Variants in STAB1 observed in about 807,000 individuals in gnomAD.
STAB1 encodes stabilin 1.
Under a neutral mutation model 332.4 loss-of-function variants are expected in STAB1, and 250 were observed. The observed-to-expected ratio is 0.75, with a 90% CI of 0.68 to 0.84. STAB1 has a LOEUF of 0.84. Among genes scored for constraint, STAB1 ranks in the 40% least tolerant of loss-of-function variants. STAB1 has a pLI of 0.00. For missense variants in STAB1, 3,249 were observed against 3,489.7 expected, an observed-to-expected ratio of 0.93 and a Z score of 1.74; for synonymous variants, 1,475 against 1,390.4, an observed-to-expected ratio of 1.06 and a Z score of -1.35.
chr3:52,501,664 T>C lies in STAB1; in HGVS notation c.242T>C (p.Met81Thr). Residue 81 changes from methionine (M) to threonine (T), a missense_variant, in exon 3 of 69, where the codon ATG becomes ACG. Transcript: ENST00000321725. ...CRYEVQLGGS[M>T]VSMSGCRRKC... is the part of the protein sequence containing the mutation. ...TACGAAGTACAGCTGGGGGGCTCTA[T>C]GGTGTCCATGAGCGGCTGCAGACGG... is the stretch of plus-strand genomic sequence containing the variant. 2 of 1,573,210 alleles carry C rather than the reference T, an allele frequency of 1.3e-6. No homozygotes were observed. Among genetic ancestry groups the C allele is most frequent in the South Asian group, 1.2e-5 (1 of 85,586 alleles).
At position 52,509,974 on chromosome 3, in the gene STAB1, T is replaced by A. The variant is rs1255172823; in HGVS notation, c.2452T>A (p.Ser818Thr). The A allele has an allele frequency of 6.2e-7, 1 of 1,611,172 alleles. No homozygotes were observed. The change falls in exon 23 of 69, where the codon TCC becomes ACC. Residue 818 changes from serine to threonine, a missense_variant. Transcript: ENST00000321725. ...CTTCAGTGGCCGGTTCTGCAACGAG[T>A]CCATGGGGGACTGTGGGCCCACAGG... ...PGFSGRFCNE[S>T]MGDCGPTGLA...
Position 52,524,308 on chromosome 3 carries a change from G to T in STAB1, c.7665G>T (p.Leu2555=). Reference sequence around the variant, plus strand: ...CAACCCTGCTCTTCTAGGACTCACTGCTGGAGGAGGACTTCCCTGACACCC... The same window carrying T: ...CAACCCTGCTCTTCTAGGACTCACTTCTGGAGGAGGACTTCCCTGACACCC... ...DTFCEPFDDS[L]LEEDFPDTQR... is the part of the protein sequence containing the mutation. Residue 2555 remains leucine, a synonymous_variant, in exon 69 of 69, where the codon CTG becomes CTT. Coordinates refer to ENST00000321725, the MANE Select transcript of STAB1 (RefSeq NM_015136.3). The T allele has an allele frequency of 6.2e-7, 1 of 1,613,940 alleles. No homozygotes were observed. The highest frequency in any genetic ancestry group is 8.5e-7 in the Non-Finnish European group (1 of 1,180,008).
chr3:52,523,935 G>C lies in STAB1; in HGVS notation c.7460G>C (p.Gly2487Ala). ...AAGVGAVLAAGALLGLVAGAL... is the reference protein window; with the variant it reads ...AAGVGAVLAAAALLGLVAGAL... ...GGCGTGGGGGCTGTGCTTGCCGCTGGAGCACTGCTTGGCTTGGTGGCCGGA... is the reference window on the plus strand; with the variant it reads ...GGCGTGGGGGCTGTGCTTGCCGCTGCAGCACTGCTTGGCTTGGTGGCCGGA... Residue 2487 changes from glycine to alanine, a missense_variant, in exon 67 of 69, where the codon GGA becomes GCA. Physicochemically the swap from Gly to Ala is moderately conservative, Grantham distance 60. Transcript: ENST00000321725. 2 of 1,610,342 alleles carry C rather than the reference G, an allele frequency of 1.2e-6. No individual in the cohort carries two copies. The highest frequency in any genetic ancestry group is 3.3e-5 in the Admixed American group (2 of 59,994).
At chr3:52,502,973 A>C (rs1397000932) in intron 6 of STAB1, 26 bp from the exon 7 acceptor site, 7 of 1,517,268 alleles carry the variant, frequency 4.6e-6, no homozygotes, top group Non-Finnish European at 5.3e-6. Context: ...GCTTGGGCTC[A>C]TCAGTGCTCT....
rs763673136 is a variant in STAB1, at chr3:52,518,829, C to T, written c.4994C>T (p.Thr1665Met). 2.7e-5 allele frequency: 43 copies of T among 1,608,712 alleles called. No homozygotes were observed. Among genetic ancestry groups the T allele is most frequent in the Non-Finnish European group, 3.3e-5 (39 of 1,179,302 alleles). Residue 1665 changes from threonine to methionine, a missense_variant, in exon 48 of 69, where the codon ACG (threonine) becomes ATG (methionine). Coordinates refer to ENST00000321725, the MANE Select transcript of STAB1 (RefSeq NM_015136.3). Reference sequence around the variant, plus strand: ...GACCTGCTGGAGCAGGGGTACGCCACGGCCCTCTCAGGGCACCCACTGCGC... The same window carrying T: ...GACCTGCTGGAGCAGGGGTACGCCATGGCCCTCTCAGGGCACCCACTGCGC... ...SEDLLEQGYA[T>M]ALSGHPLRFS...
At chr3:52,505,809 G>T (rs1171383905) in intron 15 of STAB1, 28 bp downstream of exon 15, 6 of 1,613,794 alleles carry the variant, frequency 3.7e-6, no homozygotes, top group Non-Finnish European at 4.2e-6. Context: ...AGGGGCTGCG[G>T]GTATGGGGGC....
In STAB1 at chr3:52,522,874, A is replaced by G. The variant is rs4434138; in HGVS notation, c.6844A>G (p.Ile2282Val). The G allele has an allele frequency of 0.44, 714,233 of 1,613,072 alleles. 163,477 individuals carry two copies. Among genetic ancestry groups the G allele is most frequent in the Admixed American group, 0.54 (32,385 of 60,000 alleles). ...VADCGNGRVG[I>V]VSLGARKNLS... ...GGACTGTGGCAATGGTCGGGTGGGCATAGTCAGCCTGGGTGCCCGCAAGAA... is the reference window on the plus strand; with the variant it reads ...GGACTGTGGCAATGGTCGGGTGGGCGTAGTCAGCCTGGGTGCCCGCAAGAA... Residue 2282 changes from isoleucine (I) to valine (V), a missense_variant, in exon 62 of 69, where the codon ATA becomes GTA. Transcript: ENST00000321725.
In STAB1 at chr3:52,516,740, A is replaced by G. The variant is rs1448533763; in HGVS notation, c.4335A>G (p.Gly1445=). Residue 1445 remains glycine (G), a synonymous_variant, in exon 41 of 69, where the codon GGA becomes GGG. Coordinates refer to ENST00000321725, the MANE Select transcript of STAB1 (RefSeq NM_015136.3). ...CCTCCACCTGCGCCTGTGCTGCGGG[A>G]TACTCCGGCAATGGCATCTTCTGTT... ...AGASTCACAA[G]YSGNGIFCSE... The G allele has an allele frequency of 3.1e-6, 5 of 1,611,128 alleles. No homozygotes were observed. The highest frequency in any genetic ancestry group is 4.2e-6 in the Non-Finnish European group (5 of 1,179,618).
chr3:52,513,383 T>C, intron 30 of STAB1, 142 bp downstream of exon 30: 1 of 838,372 alleles, frequency 1.2e-6, no homozygotes, highest in Middle Eastern at 3.7e-4. Flanking sequence ...GCTCAAAGGA[T>C]GTGCTCAGGA....
In STAB1 at chr3:52,522,099, G is replaced by A. The variant is rs1472617046; in HGVS notation, c.6334G>A (p.Gly2112Arg). ...CSEHANCSQV[G>R]TMVTCTCLPD... Reference sequence around the variant, plus strand: ...TGAGCACGCCAACTGTAGCCAGGTAGGAACAATGGTCACTTGTACCTGCCT... The same window carrying A: ...TGAGCACGCCAACTGTAGCCAGGTAAGAACAATGGTCACTTGTACCTGCCT... Residue 2112 changes from glycine to arginine, a missense_variant, in exon 59 of 69, where the codon GGA becomes AGA. Coordinates refer to ENST00000321725, the MANE Select transcript of STAB1 (RefSeq NM_015136.3). 2.5e-6 allele frequency: 4 copies of A among 1,613,078 alleles called. No homozygotes were observed. Among genetic ancestry groups the A allele is most frequent in the African/African-American group, 2.7e-5 (2 of 74,924 alleles).
At position 52,519,519 on chromosome 3, in the gene STAB1, C is replaced by T. The variant is rs146275888; in HGVS notation, c.5190C>T (p.Ala1730=). ...DAPIPRRNVT[A]AAQGFGYKIF... ...CCTTTCCTCAGAGAAATGTCACCGC[C>T]GCCGCCCAGGGCTTCGGTTACAAGA... is the stretch of plus-strand genomic sequence containing the variant. Residue 1730 remains alanine, a synonymous_variant, in exon 50 of 69, where the codon GCC becomes GCT. Transcript: ENST00000321725. The T allele has an allele frequency of 4.0e-4, 639 of 1,613,292 alleles. No homozygotes were observed. The highest frequency in any genetic ancestry group is 4.8e-4 in the Non-Finnish European group (565 of 1,180,006).
At chr3:52,497,407 C>CTTTTTTTTTTT (rs1200611448) in intron 1 of STAB1, among the ~76,000 whole-genome samples, 2 of 111,776 alleles carry the variant, frequency 1.8e-5, no homozygotes, top group African/African-American at 3.8e-5. Flanking sequence ...AATTCGATGC[C>CTTTTTTTTTTT]TTTTTTTTTT....
chr3:52,521,862 C>A lies in STAB1; in HGVS notation c.6182C>A (p.Thr2061Asn). 1 of 1,601,944 alleles carries A rather than the reference C, an allele frequency of 6.2e-7. No individual in the cohort carries two copies. Among genetic ancestry groups the A allele is most frequent in the Admixed American group, 1.7e-5 (1 of 59,536 alleles). ...EVQLELQPVC[T>N]PPCAPEAVCR... ...GGGACAGAGCTGCAGCCTGTGTGTA[C>A]CCCACCCTGTGCACCCGAGGCTGTG... The change falls in exon 58 of 69, where the codon ACC becomes AAC. Residue 2061 changes from threonine (T) to asparagine (N), a missense_variant. Physicochemically the swap from Thr to Asn is moderately conservative, Grantham distance 65. Transcript: ENST00000321725.
intron 25 of STAB1, among the ~76,000 whole-genome samples, 190 bp downstream of exon 25, chr3:52,510,697 C>T (rs1709236039): frequency 6.6e-6 from 1 of 152,184 alleles, no homozygotes; most frequent in African/African-American, 2.4e-5. Context: ...ATTGCTTTCC[C>T]AGGTGTTTTC....
At chr3:52,513,019 G>A in intron 29 of STAB1, 61 bp downstream of exon 29, 2 of 1,579,714 alleles carry the variant, frequency 1.3e-6, no homozygotes, top group Non-Finnish European at 1.7e-6. Context: ...TCCCTCCCCA[G>A]CGAGTCCTCA....
At chr3:52,519,713 C>CTG (rs1180008324) in intron 50 of STAB1, 149 bp downstream of exon 50, 1 of 1,270,836 alleles carries the variant, frequency 7.9e-7, no homozygotes, top group Admixed American at 2.1e-5. Context: ...CAAGCCACAT[C>CTG]TGTGTGCATG....
At chr3:52,502,970 C>G in intron 6 of STAB1, 29 bp from the exon 7 acceptor site, 1 of 1,507,370 alleles carries the variant, frequency 6.6e-7, no homozygotes, top group Non-Finnish European at 8.9e-7. Flanking sequence ...TGGGCTTGGG[C>G]TCATCAGTGC....
chr3:52,516,474 G>A lies in STAB1; in HGVS notation c.4240+23G>A, dbSNP rs200672969. On this transcript the variant is annotated intron_variant, in intron 39 of 68. Transcript: ENST00000321725. Reference sequence around the variant, plus strand: ...AGAGTGAGTGGGTCCCAATGGGGAGGGGGCAGGTGGCTACTGAGGAGGCTG... The same window carrying A: ...AGAGTGAGTGGGTCCCAATGGGGAGAGGGCAGGTGGCTACTGAGGAGGCTG... 3.8e-5 allele frequency: 61 copies of A among 1,613,528 alleles called. No homozygotes were observed. In the Admixed American group the frequency reaches 9.3e-4, roughly 25 times the overall value.
chr3:52,515,944 T>C, intron 37 of STAB1, 99 bp from the exon 38 acceptor site: 1 of 1,364,900 alleles, frequency 7.3e-7, no homozygotes, highest in Non-Finnish European at 9.8e-7. Flanking sequence ...CTGAGGGGTT[T>C]TGCTCCATGG....
Sources: gnomAD v4.1 joint callset for allele counts (sites outside exome capture counted in the v4.1 genomes callset) on GRCh38, gnomAD v4.1.1 for gene constraint, MANE v1.5 for transcripts, NCBI Gene and HGNC (gene_info 2026-07-23, HGNC 2026-07-21) for gene names.